Variants in GRM5 observed in about 807,000 individuals in gnomAD.
GRM5 encodes the protein metabotropic glutamate receptor 5.
A neutral mutation model predicts 83.1 loss-of-function variants in GRM5; 19 were observed. That is an observed-to-expected ratio of 0.23 (90% CI 0.16 to 0.34). The LOEUF (loss-of-function observed/expected upper bound fraction) is 0.34. Ranked by LOEUF, GRM5 falls within the 10% of genes least tolerant of loss-of-function variation. The pLI is 1.00. For synonymous variants in GRM5, 675 were observed against 633.6 expected, an observed-to-expected ratio of 1.07 and a Z score of -0.98; for missense variants, 1,160 against 1,588.3, an observed-to-expected ratio of 0.73 and a Z score of 4.58.
chr11:88,886,369 C>G (rs1328051127), intron 2 of GRM5, among the ~76,000 whole-genome samples: 1 of 152,164 alleles, frequency 6.6e-6, no homozygotes, highest in Non-Finnish European at 1.5e-5. Flanking sequence ...GAGCAGACTC[C>G]AACTCTGTCC....
intron 3 of GRM5, among the ~76,000 whole-genome samples, chr11:88,683,906 A>T (rs767051811): frequency 2.8e-4 from 43 of 152,358 alleles, no homozygotes; most frequent in Non-Finnish European, 5.0e-4. Context: ...ATAGCAATAC[A>T]TGCTGAAATA....
intron 2 of GRM5, among the ~76,000 whole-genome samples, chr11:89,010,271 T>C (rs926136187): frequency 1.4e-4 from 21 of 152,304 alleles, no homozygotes; most frequent in South Asian, 2.1e-4. Context: ...ATGATTTGCA[T>C]TGAGATCTTT....
intron 3 of GRM5, among the ~76,000 whole-genome samples, chr11:88,687,548 AC>A (rs1940666372): frequency 2.0e-4 from 2 of 10,112 alleles, no homozygotes; most frequent in Admixed American, 3.5e-3. Context: ...ACACACACAC[AC>A]ACACATATAT....
intron 3 of GRM5, among the ~76,000 whole-genome samples, chr11:88,822,175 C>G (rs574865486): frequency 6.6e-6 from 1 of 152,226 alleles, no homozygotes; most frequent in African/African-American, 2.4e-5. Flanking sequence ...TATATGTCCT[C>G]TGGAATTTAT....
intron 7 of GRM5, among the ~76,000 whole-genome samples, chr11:88,576,695 G>C (rs1169453808): frequency 2.0e-5 from 3 of 152,036 alleles, no homozygotes; most frequent in African/African-American, 7.2e-5. Context: ...AGAAATTAAA[G>C]ACCAATGACC....
At chr11:88,793,981 C>T (rs1943227821) in intron 3 of GRM5, among the ~76,000 whole-genome samples, 1 of 152,096 alleles carries the variant, frequency 6.6e-6, no homozygotes, top group African/African-American at 2.4e-5. Flanking sequence ...AGGCACACAC[C>T]ACTATGCCTG....
intron 3 of GRM5, among the ~76,000 whole-genome samples, chr11:88,737,157 C>T (rs1212081960): frequency 6.6e-6 from 1 of 152,042 alleles, no homozygotes; most frequent in East Asian, 1.9e-4. Flanking sequence ...TTCATGTCTT[C>T]AATGAAGATG....
chr11:89,020,500 G>C (rs1940956284), intron 2 of GRM5, among the ~76,000 whole-genome samples: 1 of 152,178 alleles, frequency 6.6e-6, no homozygotes, highest in Non-Finnish European at 1.5e-5. Flanking sequence ...GGTGCTGACA[G>C]TCAGAGAATT....
At chr11:88,972,040 T>A (rs1939178965) in intron 2 of GRM5, among the ~76,000 whole-genome samples, 1 of 152,164 alleles carries the variant, frequency 6.6e-6, no homozygotes, top group Admixed American at 6.6e-5. Flanking sequence ...AGCATCGCCA[T>A]CTTGGACAAG....
intron 2 of GRM5, among the ~76,000 whole-genome samples, chr11:89,006,009 G>A (rs929512382): frequency 1.1e-4 from 17 of 152,162 alleles, no homozygotes; most frequent in African/African-American, 3.9e-4. Context: ...GAAGCATAAA[G>A]GGGCAGTCGT....
At chr11:88,622,069 A>C (rs1434097797) in intron 4 of GRM5, among the ~76,000 whole-genome samples, 7 of 133,966 alleles carry the variant, frequency 5.2e-5, no homozygotes, top group African/African-American at 1.9e-4. Context: ...TAGGACATAG[A>C]TATTCCTTTA....
rs929475423 is a variant in GRM5 at position 88,748,054 on chromosome 11, C to A, written c.912-94651G>T. Among the ~76,000 whole-genome samples, 79 of 152,074 alleles carry A rather than the reference C, an allele frequency of 5.2e-4. 2 individuals are homozygous for A. The highest frequency in any genetic ancestry group is 8.8e-5 in the Non-Finnish European group (6 of 67,996). ...TGGAGTAGCAGAGAGCCAAAGGAAC[C>A]CCCATCCCCAGGCAAGGGAAGCAGT... On this transcript the variant is annotated intron_variant, in intron 3 of 9. Coordinates refer to ENST00000305447, the MANE Select transcript of GRM5 (RefSeq NM_001143831.3).
intron 7 of GRM5, among the ~76,000 whole-genome samples, chr11:88,578,624 T>G (rs1195743451): frequency 6.6e-6 from 1 of 152,182 alleles, no homozygotes; most frequent in Non-Finnish European, 1.5e-5. Context: ...CTTTCAGCCC[T>G]TTTTTTCTTC....
chr11:88,548,438 A>G (rs1340252100), intron 8 of GRM5, among the ~76,000 whole-genome samples: 1 of 152,178 alleles, frequency 6.6e-6, no homozygotes, highest in East Asian at 1.9e-4. Flanking sequence ...ATCACATGCA[A>G]ATTAAAAAAA....
At chr11:88,826,602 G>C (rs977398787) in intron 3 of GRM5, among the ~76,000 whole-genome samples, 138 of 152,114 alleles carry the variant, frequency 9.1e-4, no homozygotes, top group African/African-American at 2.8e-3. Flanking sequence ...TGGACATATT[G>C]TCACTGGTGA....
intron 3 of GRM5, among the ~76,000 whole-genome samples, chr11:88,796,899 CGTGTGT>C (rs36203408): frequency 0.048 from 6,848 of 143,360 alleles, 180 homozygotes; most frequent in South Asian, 0.071. Context: ...CACACACACA[CGTGTGT>C]GTGTGTGTGT....
At chr11:89,028,362 C>T (rs1490496384) in intron 2 of GRM5, among the ~76,000 whole-genome samples, 3 of 152,110 alleles carry the variant, frequency 2.0e-5, no homozygotes, top group Non-Finnish European at 4.4e-5. Flanking sequence ...GTAGGAGGAT[C>T]ACTTGTGTCC....
chr11:89,035,108 G>C (rs4237549), intron 2 of GRM5, among the ~76,000 whole-genome samples: 1 of 151,678 alleles, frequency 6.6e-6, no homozygotes, highest in South Asian at 2.1e-4. Context: ...GAAAACAGTA[G>C]AATTCAATTT....
chr11:88,609,244 G>A (rs1783037606), intron 4 of GRM5, among the ~76,000 whole-genome samples: 1 of 152,156 alleles, frequency 6.6e-6, no homozygotes. Context: ...AGAACATGTA[G>A]TTTTTGGTTT....
Sources: allele counts gnomAD v4.1 joint callset (sites outside exome capture counted in the v4.1 genomes callset), GRCh38; gene constraint gnomAD v4.1.1; transcripts MANE v1.5; gene names NCBI Gene and HGNC (gene_info 2026-07-23, HGNC 2026-07-21).